Variants in WIZ observed in about 807,000 individuals in gnomAD.
WIZ encodes WIZ zinc finger, also known as protein Wiz.
WIZ carries 25 observed loss-of-function variants against 140.2 expected under a neutral mutation model. That is an observed-to-expected ratio of 0.18 (90% CI 0.13 to 0.25). The LOEUF is 0.25. Ranked by LOEUF, WIZ falls within the 10% of genes least tolerant of loss-of-function variation. WIZ has a pLI of 1.00. For missense variants in WIZ, 2,231 were observed against 2,632.6 expected (o/e 0.85, Z 3.34); for synonymous variants, 1,125 against 1,154.3 (o/e 0.97, Z 0.51).
In WIZ at chr19:15,427,008, C is replaced by T. The variant is rs372083721; in HGVS notation, c.4340G>A (p.Arg1447Gln). ...CAGGTTCAGGGGTGTCATGTCTTCC[C>T]GTGGTGCCCCCCAGGGACCCTCAGA... ...HPSEGPWGAP[R>Q]EDMTPLNLSS... Residue 1447 changes from arginine to glutamine, a missense_variant, in exon 9 of 13, where the codon CGG becomes CAG. By Grantham distance (43) the Arg-to-Gln change is conservative. Transcript: ENST00000673675. This position sits in a 1 kb window ranked among gnomAD's most constrained non-coding sequence, Gnocchi z 6.4. 1.7e-5 allele frequency: 28 copies of T among 1,613,556 alleles called. No homozygotes were observed. Among genetic ancestry groups the T allele is most frequent in the African/African-American group, 2.7e-5 (2 of 74,942 alleles).
intron 2 of WIZ, among the ~76,000 whole-genome samples, chr19:15,444,268 T>C (rs1256867541): frequency 6.6e-6 from 1 of 151,790 alleles, no homozygotes; most frequent in Non-Finnish European, 1.5e-5. Flanking sequence ...GGGGAGAGGG[T>C]GTTGACCAGA....
Position 15,441,137 on chromosome 19 carries a change from T to C in WIZ, c.279-422A>G, listed in dbSNP as rs980419385. Among the ~76,000 whole-genome samples, 4 of 152,296 alleles carry C rather than the reference T, an allele frequency of 2.6e-5. No homozygotes were observed. In the East Asian group the frequency reaches 7.7e-4, roughly 29 times the overall value. On this transcript the variant is annotated intron_variant, in intron 3 of 12. Coordinates refer to ENST00000673675, the MANE Select transcript of WIZ (RefSeq NM_001371589.1). ...AACTGGGGTGATTTTGCTAATTTAG[T>C]TTCACCTCTCCCCCAGATTTGGCGA...
chr19:15,439,352 C>T lies in WIZ; in HGVS notation c.1642G>A (p.Ala548Thr). Reference sequence around the variant, plus strand: ...AGCTGCTGGCATCCTGGGCCAAAGGCCAGGCTGGGGTCGTATCCAGCAGGG... The same window carrying T: ...AGCTGCTGGCATCCTGGGCCAAAGGTCAGGCTGGGGTCGTATCCAGCAGGG... ...ENPAGYDPSL[A>T]FGPGCQQLSI... Residue 548 changes from alanine to threonine, a missense_variant, in exon 4 of 13, where the codon GCC becomes ACC. Physicochemically the swap from Ala to Thr is moderately conservative, Grantham distance 58. Around this residue, in one of 15 missense-constraint regions of WIZ, gnomAD observed 475 missense variants for 520.2 expected, o/e 0.91. Coordinates refer to ENST00000673675, the MANE Select transcript of WIZ (RefSeq NM_001371589.1). This position sits in a 1 kb window ranked among gnomAD's most constrained non-coding sequence, Gnocchi z 7.0. 1 of 1,535,290 alleles carries T rather than the reference C, an allele frequency of 6.5e-7. No homozygotes were observed. Among genetic ancestry groups the T allele is most frequent in the East Asian group, 2.4e-5 (1 of 40,892 alleles).
In WIZ at chr19:15,439,396, G is replaced by T; in HGVS notation, c.1598C>A (p.Ala533Asp). 1 of 1,528,364 alleles carries T rather than the reference G, an allele frequency of 6.5e-7. No individual in the cohort carries two copies. The highest frequency in any genetic ancestry group is 8.8e-7 in the Non-Finnish European group (1 of 1,141,560). 94.7% of individuals were successfully genotyped at this position (1,528,364 alleles called of 1,614,324 possible). Reference sequence around the variant, plus strand: ...AGCAGGGTTCTCCCGCCACATGGGGGCCAAGGACGGCTCAGCTTTGCCAAA... The same window carrying T: ...AGCAGGGTTCTCCCGCCACATGGGGTCCAAGGACGGCTCAGCTTTGCCAAA... The part of the protein sequence containing the change: ...DYFGKAEPSL[A>D]PMWRENPAGY... Residue 533 changes from alanine (A) to aspartate (D), a missense_variant, in exon 4 of 13, where the codon GCC becomes GAC. By Grantham distance (126) the Ala-to-Asp change is moderately radical. Around this residue, in one of 15 missense-constraint regions of WIZ, gnomAD observed 475 missense variants for 520.2 expected, o/e 0.91. Transcript: ENST00000673675. The surrounding 1 kb of genome is among the most constrained non-coding windows in gnomAD (Gnocchi z 7.0).
intron 6 of WIZ, 71 bp downstream of exon 6, chr19:15,430,940 AG>A: frequency 1.4e-6 from 2 of 1,438,266 alleles, no homozygotes; most frequent in Non-Finnish European, 1.8e-6. Context: ...ATTAACCCCA[AG>A]GCACGAGAGT....
intron 2 of WIZ, among the ~76,000 whole-genome samples, chr19:15,443,216 C>T (rs1389139593): frequency 2.6e-5 from 4 of 152,214 alleles, no homozygotes; most frequent in Admixed American, 6.5e-5. Flanking sequence ...GAATTACAGG[C>T]GTGTGCCACC....
At chr19:15,449,656 C>T (rs1332950094) in intron 1 of WIZ, 142 bp downstream of exon 1, 1 of 148,288 alleles carries the variant, frequency 6.7e-6, no homozygotes, top group East Asian at 2.0e-4. Context: ...CGGCCCCGCC[C>T]CCGGCCAGGC....
intron 5 of WIZ, chr19:15,432,497 G>A (rs1599681477): frequency 4.1e-6 from 4 of 978,948 alleles, no homozygotes; most frequent in Non-Finnish European, 4.8e-6. Flanking sequence ...CCGTCCCGCG[G>A]CGGCGGTGGC....
chr19:15,442,596 C>T lies in WIZ; in HGVS notation c.278+80G>A. ...ATTCCCTCCTGTCCCCTTCTCATTCCCCAGGGGCTTATCTGAGGCCTGGGC... is the reference window on the plus strand; with the variant it reads ...ATTCCCTCCTGTCCCCTTCTCATTCTCCAGGGGCTTATCTGAGGCCTGGGC... On this transcript the variant is annotated intron_variant, in intron 3 of 12. Transcript: ENST00000673675. The surrounding 1 kb of genome is among the most constrained non-coding windows in gnomAD (Gnocchi z 5.5). The T allele has an allele frequency of 2.8e-6, 3 of 1,085,846 alleles. No individual in the cohort carries two copies. Among genetic ancestry groups the T allele is most frequent in the South Asian group, 4.7e-5 (1 of 21,290 alleles). 67.3% of individuals were successfully genotyped at this position (1,085,846 alleles called of 1,614,324 possible).
At chr19:15,438,395 T>C (rs1256295986) in intron 4 of WIZ, among the ~76,000 whole-genome samples, 183 bp downstream of exon 4, 1 of 152,210 alleles carries the variant, frequency 6.6e-6, no homozygotes, top group Non-Finnish European at 1.5e-5. Context: ...GTGGCTGGAA[T>C]GGCCAGGGGA....
At chr19:15,429,416 G>T (rs1333081470) in intron 7 of WIZ, among the ~76,000 whole-genome samples, 170 bp downstream of exon 7, 2 of 152,214 alleles carry the variant, frequency 1.3e-5, no homozygotes, top group East Asian at 3.9e-4. Context: ...CGGCCCAAAA[G>T]GAGATGCAGA....
At position 15,440,320 on chromosome 19, in the gene WIZ, G is replaced by T. The variant is rs955866619; in HGVS notation, c.674C>A (p.Thr225Asn). 6 of 1,519,018 alleles carry T rather than the reference G, an allele frequency of 3.9e-6. No homozygotes were observed. Among genetic ancestry groups the T allele is most frequent in the Non-Finnish European group, 5.3e-6 (6 of 1,136,678 alleles). The allele number at this position is 1,519,018 out of a possible 1,614,324, so 94.1% of individuals were successfully genotyped here. The part of the protein sequence containing the change: ...FRRVFVPVED[T>N]PKTLDMAVVG... The stretch of plus-strand genomic sequence containing the variant: ...CACCGCCATGTCCAGCGTCTTCGGG[G>T]TGTCTTCCACTGGCACAAACACCCT... The change falls in exon 4 of 13, where the codon ACC (threonine) becomes AAC (asparagine). Residue 225 changes from threonine to asparagine, a missense_variant. Around this residue, in one of 15 missense-constraint regions of WIZ, gnomAD observed 307 missense variants for 294.1 expected, o/e 1.04. Coordinates refer to ENST00000673675, the MANE Select transcript of WIZ (RefSeq NM_001371589.1). This position sits in a 1 kb window ranked among gnomAD's most constrained non-coding sequence, Gnocchi z 6.2.
At chr19:15,438,550 T>C in intron 4 of WIZ, 28 bp downstream of exon 4, 1 of 1,475,500 alleles carries the variant, frequency 6.8e-7, no homozygotes, top group Non-Finnish European at 9.0e-7. Context: ...ATGTGTCTCC[T>C]GGGCCTTTAA....
rs530786867 is a variant in WIZ at position 15,422,028 on chromosome 19, C to T, written c.*1048G>A. On this transcript the variant is annotated 3_prime_UTR_variant, in exon 13 of 13. Transcript: ENST00000673675. The stretch of plus-strand genomic sequence containing the variant: ...ACAGAGGAGGCCCCGATCCCAGCCC[C>T]GGCTGCCAGCCAATGCCAGCCTGTC... 13 of 152,340 alleles carry T rather than the reference C, an allele frequency of 8.5e-5. 1 individual carries two copies. The highest frequency in any genetic ancestry group is 2.4e-4 in the African/African-American group (10 of 41,580). 9.4% of individuals were successfully genotyped at this position (152,340 alleles called of 1,614,324 possible).
chr19:15,429,495 C>CCCCCGGGG, intron 7 of WIZ, 91 bp downstream of exon 7: 1 of 1,027,138 alleles, frequency 9.7e-7, no homozygotes, highest in Non-Finnish European at 1.3e-6. Flanking sequence ...CCCCCACCCA[C>CCCCCGGGG]CCTGGGCCCT....
Position 15,420,487 on chromosome 19 carries a change from G to A in WIZ, c.*2589C>T, listed in dbSNP as rs1032358212. 2.0e-5 allele frequency: 3 copies of A among 152,230 alleles called. No individual in the cohort carries two copies. Among genetic ancestry groups the A allele is most frequent in the Non-Finnish European group, 2.9e-5 (2 of 68,048 alleles). 9.4% of individuals were successfully genotyped at this position (152,230 alleles called of 1,614,324 possible). Reference sequence around the variant, plus strand: ...AAACCAAGGCAGGGCCCCAGGACACGTCTTCTGCGCCCTGCAGGTTCGTTC... The same window carrying A: ...AAACCAAGGCAGGGCCCCAGGACACATCTTCTGCGCCCTGCAGGTTCGTTC... On this transcript the variant is annotated 3_prime_UTR_variant, in exon 13 of 13. Coordinates refer to ENST00000673675, the MANE Select transcript of WIZ (RefSeq NM_001371589.1).
chr19:15,423,100 C>T lies in WIZ; in HGVS notation c.5646G>A (p.Gln1882=), dbSNP rs1968473959. The T allele has an allele frequency of 1.2e-6, 2 of 1,612,126 alleles. No individual in the cohort carries two copies. The highest frequency in any genetic ancestry group is 8.5e-7 in the Non-Finnish European group (1 of 1,179,754). ...GTTAGGGAGCCTCTGCCGCCGCTGT[C>T]TGTGCCTGCGGGGCCTGGGACTCCT... ...PPEESQAPQA[Q]TAAAEAP The change falls in exon 13 of 13, where the codon CAG becomes CAA. Residue 1882 remains glutamine, a synonymous_variant. Coordinates refer to ENST00000673675, the MANE Select transcript of WIZ (RefSeq NM_001371589.1).
chr19:15,437,438 A>G (rs1332046650), intron 4 of WIZ, among the ~76,000 whole-genome samples: 1 of 152,230 alleles, frequency 6.6e-6, no homozygotes, highest in Non-Finnish European at 1.5e-5. Context: ...CCAAGCGGGA[A>G]GATCTCTTGA....
At position 15,429,714 on chromosome 19, in the gene WIZ, A is replaced by G; in HGVS notation, c.3287T>C (p.Leu1096Pro). 2.8e-6 allele frequency: 4 copies of G among 1,453,906 alleles called. No homozygotes were observed. The highest frequency in any genetic ancestry group is 3.6e-6 in the Non-Finnish European group (4 of 1,106,660). The allele number at this position is 1,453,906 out of a possible 1,614,324, so 90.1% of individuals were successfully genotyped here. Reference protein sequence around the residue: ...PSSPLLKKTPLALAGSPTPKN... With the variant: ...PSSPLLKKTPPALAGSPTPKN... Reference sequence around the variant, plus strand: ...AGGGGTAGGGGAGCCCGCCAGGGCCAGTGGTGTCTTTTTGAGGAGTGGAGA... The same window carrying G: ...AGGGGTAGGGGAGCCCGCCAGGGCCGGTGGTGTCTTTTTGAGGAGTGGAGA... The change falls in exon 7 of 13, where the codon CTG becomes CCG. Residue 1096 changes from leucine to proline, a missense_variant. Leu to Pro is a moderately conservative substitution (Grantham distance 98). Around this residue, in one of 15 missense-constraint regions of WIZ, gnomAD observed 163 missense variants for 166.8 expected, o/e 0.98. Transcript: ENST00000673675.
Sources: allele counts gnomAD v4.1 joint callset (sites outside exome capture counted in the v4.1 genomes callset), GRCh38; gene constraint gnomAD v4.1.1; regional missense constraint gnomAD v4.1.1; non-coding constraint Gnocchi (gnomAD v3.1); transcripts MANE v1.5; gene names NCBI Gene and HGNC (gene_info 2026-07-23, HGNC 2026-07-21).